Variants in MBNL1 observed in about 807,000 individuals in gnomAD.
MBNL1 encodes the protein muscleblind-like protein 1.
MBNL1 carries 8 observed loss-of-function variants against 42.2 expected under a neutral mutation model. The observed-to-expected ratio is 0.19, with a 90% CI of 0.11 to 0.34. The LOEUF (loss-of-function observed/expected upper bound fraction) is 0.34, where lower values mean the gene tolerates loss of function less well. MBNL1 is among the 10% of genes least tolerant of loss of function. The pLI is 1.00. For synonymous variants in MBNL1, 169 were observed against 173.9 expected (o/e 0.97, Z 0.22); for missense variants, 309 against 495.3 (o/e 0.62, Z 3.57).
intron 2 of MBNL1, among the ~76,000 whole-genome samples, chr3:152,305,831 A>G (rs905680331): frequency 5.3e-5 from 8 of 152,222 alleles, no homozygotes; most frequent in Non-Finnish European, 1.2e-4. Context: ...CAGAGTTTTT[A>G]TTTAATACTG....
intron 2 of MBNL1, among the ~76,000 whole-genome samples, chr3:152,326,817 A>AT (rs1324081596): frequency 1.3e-5 from 2 of 151,152 alleles, no homozygotes; most frequent in African/African-American, 2.4e-5. Context: ...TTATTTATTT[A>AT]TTGAGACAGA....
intron 2 of MBNL1, chr3:152,338,294 G>C: frequency 1.0e-6 from 1 of 985,374 alleles, no homozygotes; most frequent in Non-Finnish European, 1.2e-6. Flanking sequence ...TCTTCTCCCA[G>C]GGTGTTGTGC....
chr3:152,424,822 A>G (rs2098888136), intron 3 of MBNL1, among the ~76,000 whole-genome samples: 1 of 152,216 alleles, frequency 6.6e-6, no homozygotes, highest in Non-Finnish European at 1.5e-5. Context: ...GCAATGGGGA[A>G]AGGATTCTGT....
At chr3:152,358,088 AAG>A (rs2095656905) in intron 2 of MBNL1, among the ~76,000 whole-genome samples, 1 of 152,174 alleles carries the variant, frequency 6.6e-6, no homozygotes, top group African/African-American at 2.4e-5. Flanking sequence ...ATTTAAGAAA[AAG>A]GGGGTTTGTT....
intron 1 of MBNL1, chr3:152,269,703 G>A (rs1352236660): frequency 1.2e-5 from 3 of 246,432 alleles, no homozygotes; most frequent in Non-Finnish European, 2.5e-5. Flanking sequence ...TGTAGGAGAG[G>A]GCTGCCTCCT....
At chr3:152,309,457 A>C (rs946000720) in intron 2 of MBNL1, among the ~76,000 whole-genome samples, 1 of 152,330 alleles carries the variant, frequency 6.6e-6, no homozygotes, top group Non-Finnish European at 1.5e-5. Context: ...CTTAAGTTAG[A>C]ATTTATCTCT....
intron 2 of MBNL1, among the ~76,000 whole-genome samples, chr3:152,387,245 T>C (rs1234373515): frequency 6.6e-6 from 1 of 150,894 alleles, no homozygotes; most frequent in Non-Finnish European, 1.5e-5. Context: ...CTGTGTATTT[T>C]TTTTTTTTTT....
chr3:152,310,697 A>C (rs1003504494), intron 2 of MBNL1, among the ~76,000 whole-genome samples: 1 of 152,118 alleles, frequency 6.6e-6, no homozygotes, highest in African/African-American at 2.4e-5. Flanking sequence ...TGGTGTGGGA[A>C]ATTTATATTA....
chr3:152,344,074 G>A (rs925085911), intron 2 of MBNL1, among the ~76,000 whole-genome samples: 5 of 151,828 alleles, frequency 3.3e-5, no homozygotes, highest in Admixed American at 6.6e-5. Flanking sequence ...TTTTTGGGGG[G>A]TGACTGGTAT....
At chr3:152,458,459 G>A in intron 8 of MBNL1, 1 of 429,708 alleles carries the variant, frequency 2.3e-6, no homozygotes, top group Non-Finnish European at 4.3e-6. Flanking sequence ...AGAGACTTAA[G>A]CATAGAGTAA....
At chr3:152,410,654 C>T (rs966911752) in intron 2 of MBNL1, among the ~76,000 whole-genome samples, 2 of 152,244 alleles carry the variant, frequency 1.3e-5, no homozygotes, top group African/African-American at 4.8e-5. Context: ...AATTACTTTT[C>T]CCCAACCTAA....
In MBNL1 at chr3:152,465,375, G is replaced by A. The variant is rs1408669128; in HGVS notation, c.*3009G>A. On this transcript the variant is annotated 3_prime_UTR_variant, in exon 10 of 10. Coordinates refer to ENST00000324210, the MANE Select transcript of MBNL1 (RefSeq NM_021038.5). ...CACACTGTAGCTATAGTTGTTATGT[G>A]ATTGTTTTTTAATTGCTGTAGGATC... 2 of 152,590 alleles carry A rather than the reference G, an allele frequency of 1.3e-5. No individual in the cohort carries two copies. Among genetic ancestry groups the A allele is most frequent in the Admixed American group, 1.3e-4 (2 of 15,278 alleles). 9.5% of individuals were successfully genotyped at this position (152,590 alleles called of 1,614,324 possible).
At chr3:152,457,228 A>T (rs1342326481) in intron 8 of MBNL1, among the ~76,000 whole-genome samples, 1 of 152,230 alleles carries the variant, frequency 6.6e-6, no homozygotes, top group African/African-American at 2.4e-5. Context: ...ATACTGGTTG[A>T]TTTCAAGTTT....
At chr3:152,409,069 C>G (rs1398407144) in intron 2 of MBNL1, among the ~76,000 whole-genome samples, 1 of 152,108 alleles carries the variant, frequency 6.6e-6, no homozygotes, top group Non-Finnish European at 1.5e-5. Context: ...GTGTTAGATG[C>G]AGTTATTTTC....
chr3:152,385,119 T>G (rs2097354295), intron 2 of MBNL1, among the ~76,000 whole-genome samples: 1 of 152,104 alleles, frequency 6.6e-6, no homozygotes, highest in African/African-American at 2.4e-5. Context: ...AGATGTGATT[T>G]GCATCTTTGC....
chr3:152,361,770 T>A (rs1016144488), intron 2 of MBNL1, among the ~76,000 whole-genome samples: 4 of 152,196 alleles, frequency 2.6e-5, no homozygotes, highest in African/African-American at 9.6e-5. Context: ...TTTAGGTAGA[T>A]TAAATCTTGC....
rs1560718229 is a variant in MBNL1, at chr3:152,463,938, C to CTTA, written c.*1573_*1574insTAT. 6.6e-6 allele frequency: 1 copy of CTTA among 152,468 alleles called. No homozygotes were observed. Among genetic ancestry groups the CTTA allele is most frequent in the Non-Finnish European group, 1.5e-5 (1 of 67,958 alleles). 9.4% of individuals were successfully genotyped at this position (152,468 alleles called of 1,614,324 possible). A position where few individuals can be genotyped will look rare whatever the true frequency, so the allele number is the denominator to read the frequency against. On this transcript the variant is annotated 3_prime_UTR_variant, in exon 10 of 10. Coordinates refer to ENST00000324210, the MANE Select transcript of MBNL1 (RefSeq NM_021038.5). ...TTTTTATGCTTGAGAGAGATGCTTTCTAATATAAGACTGATGTGTTGATTT... is the reference window on the plus strand; with the variant it reads ...TTTTTATGCTTGAGAGAGATGCTTTCTTATAATATAAGACTGATGTGTTGATTT...
chr3:152,359,158 T>C (rs2095754645), intron 2 of MBNL1, among the ~76,000 whole-genome samples: 2 of 152,188 alleles, frequency 1.3e-5, no homozygotes, highest in South Asian at 4.1e-4. Flanking sequence ...CAAGAAATTG[T>C]TTTTGCATTC....
chr3:152,332,434 C>CA (rs1250769247), intron 2 of MBNL1, among the ~76,000 whole-genome samples: 5 of 151,948 alleles, frequency 3.3e-5, no homozygotes, highest in Admixed American at 2.6e-4. Flanking sequence ...AGAAATTCTG[C>CA]AAAAAAATGT....
Sources: allele counts gnomAD v4.1 joint callset (sites outside exome capture counted in the v4.1 genomes callset), GRCh38; gene constraint gnomAD v4.1.1; transcripts MANE v1.5; gene names NCBI Gene and HGNC (gene_info 2026-07-23, HGNC 2026-07-21).